Variants in INPP4B observed in about 807,000 individuals in gnomAD.
INPP4B encodes inositol polyphosphate-4-phosphatase type II B, also known as inositol polyphosphate 4-phosphatase type II.
In INPP4B, 55 loss-of-function variants were observed where a neutral mutation model predicts 122.5. The observed-to-expected ratio is 0.45, with a 90% CI of 0.36 to 0.56. The LOEUF (loss-of-function observed/expected upper bound fraction) is 0.56, where lower values mean the gene tolerates loss of function less well. INPP4B is among the 20% of genes least tolerant of loss of function. The pLI, the probability that INPP4B is intolerant of heterozygous loss-of-function variation, is 0.00. For missense variants in INPP4B, 1,000 were observed against 1,097.7 expected (o/e 0.91, Z 1.26); for synonymous variants, 403 against 388.7 (o/e 1.04, Z -0.43).
intron 2 of INPP4B, among the ~76,000 whole-genome samples, chr4:142,585,624 T>G (rs911325449): frequency 6.6e-6 from 1 of 152,116 alleles, no homozygotes; most frequent in Non-Finnish European, 1.5e-5. Context: ...GTCCAGCATG[T>G]GCCCCTCCTC....
chr4:142,040,449 G>A lies in INPP4B; in HGVS notation c.2643-11535C>T, dbSNP rs576004806. 1.5e-4 allele frequency among the ~76,000 whole-genome samples: 23 copies of A among 152,340 alleles called. 2 individuals carry two copies. The South Asian group carries it at 4.6e-3, about 30-fold the overall frequency. On this transcript the variant is annotated intron_variant, in intron 25 of 25. Coordinates refer to ENST00000262992, the MANE Select transcript of INPP4B (RefSeq NM_001101669.3). ...CAAAGCTCAGTGCAAGGGAAGACTTGTGGCTGGAGGAGAGCGTAAAATAAT... is the reference window on the plus strand; with the variant it reads ...CAAAGCTCAGTGCAAGGGAAGACTTATGGCTGGAGGAGAGCGTAAAATAAT...
At chr4:142,275,697 C>T (rs1353613289) in intron 9 of INPP4B, among the ~76,000 whole-genome samples, 1 of 151,692 alleles carries the variant, frequency 6.6e-6, no homozygotes, top group Non-Finnish European at 1.5e-5. Flanking sequence ...ATGTCAGAAG[C>T]CATATAATGC....
At chr4:142,681,216 C>G (rs1046725606) in intron 2 of INPP4B, among the ~76,000 whole-genome samples, 5 of 151,772 alleles carry the variant, frequency 3.3e-5, no homozygotes, top group African/African-American at 1.2e-4. Flanking sequence ...CAGTCTAAGG[C>G]ACACACTTAT....
At chr4:142,515,294 ACTC>A (rs1159603016) in intron 2 of INPP4B, among the ~76,000 whole-genome samples, 1 of 151,932 alleles carries the variant, frequency 6.6e-6, no homozygotes, top group Non-Finnish European at 1.5e-5. Context: ...GGGAGCCTGA[ACTC>A]CTGAAACCCA....
chr4:142,384,751 G>C (rs536925832), intron 7 of INPP4B, among the ~76,000 whole-genome samples: 1 of 152,138 alleles, frequency 6.6e-6, no homozygotes, highest in East Asian at 1.9e-4. Flanking sequence ...CGTGTCATGG[G>C]GGTTTGTTGT....
intron 2 of INPP4B, among the ~76,000 whole-genome samples, chr4:142,651,017 C>G (rs1342363693): frequency 6.6e-6 from 1 of 152,176 alleles, no homozygotes; most frequent in African/African-American, 2.4e-5. Flanking sequence ...TCACAACAAA[C>G]AGTCTCTCAG....
intron 1 of INPP4B, among the ~76,000 whole-genome samples, chr4:142,788,575 A>G (rs1282237150): frequency 6.6e-6 from 1 of 152,128 alleles, no homozygotes; most frequent in African/African-American, 2.4e-5. Flanking sequence ...TCACCCAAGC[A>G]GTATACACTG....
intron 10 of INPP4B, 73 bp from the exon 11 acceptor site, chr4:142,260,637 C>G: frequency 9.9e-7 from 1 of 1,015,224 alleles, no homozygotes. Context: ...ATTTTATTTG[C>G]AAAACATAAG....
At chr4:142,716,657 T>C (rs1208307058) in intron 2 of INPP4B, among the ~76,000 whole-genome samples, 2 of 152,222 alleles carry the variant, frequency 1.3e-5, no homozygotes, top group African/African-American at 2.4e-5. Context: ...AAAGGTAAAG[T>C]TTCCTAACAG....
intron 13 of INPP4B, 129 bp downstream of exon 13, chr4:142,208,767 T>A (rs1244926440): frequency 2.8e-5 from 19 of 684,764 alleles, no homozygotes; most frequent in Non-Finnish European, 4.1e-5. Context: ...ATGTTAAAGT[T>A]AGAAATAAAA....
rs377552781 is a variant in INPP4B at position 142,359,225 on chromosome 4, C to A, written c.372+43713G>T. 1.1e-3 allele frequency among the ~76,000 whole-genome samples: 159 copies of A among 143,786 alleles called. 2 individuals are homozygous for A. In the East Asian group the frequency reaches 0.017, roughly 15 times the overall value. The allele number at this position is 143,786 out of a possible 152,430, so 94.3% of individuals were successfully genotyped here. On this transcript the variant is annotated intron_variant, in intron 7 of 25. Transcript: ENST00000262992. ...CACTGGCAAAAAACAAACAAACAAACAAAAAAAAAAAACAGGCTCTGGAGC... is the reference window on the plus strand; with the variant it reads ...CACTGGCAAAAAACAAACAAACAAAAAAAAAAAAAAAACAGGCTCTGGAGC...
chr4:142,605,438 A>G (rs1741025046), intron 2 of INPP4B, among the ~76,000 whole-genome samples: 1 of 152,076 alleles, frequency 6.6e-6, no homozygotes, highest in Non-Finnish European at 1.5e-5. Flanking sequence ...GACTATATTA[A>G]ACTAAAAAGC....
At chr4:142,467,952 C>T (rs1334861983) in intron 2 of INPP4B, 1 of 152,152 alleles carries the variant, frequency 6.6e-6, no homozygotes, top group Non-Finnish European at 1.5e-5. Context: ...TGCTCCCCCT[C>T]TCACCATGTG....
At chr4:142,182,761 C>T (rs952103682) in intron 15 of INPP4B, among the ~76,000 whole-genome samples, 4 of 152,068 alleles carry the variant, frequency 2.6e-5, no homozygotes, top group African/African-American at 9.7e-5. Context: ...ACCTAAGAGT[C>T]CTTCAATCCT....
At chr4:142,315,208 C>A (rs902713162) in intron 7 of INPP4B, among the ~76,000 whole-genome samples, 1 of 138,948 alleles carries the variant, frequency 7.2e-6, no homozygotes, top group African/African-American at 2.7e-5. Context: ...ATTGCAATGT[C>A]ATTATGTACC....
intron 15 of INPP4B, among the ~76,000 whole-genome samples, chr4:142,188,085 A>AT (rs1168113562): frequency 6.6e-6 from 1 of 152,108 alleles, no homozygotes; most frequent in African/African-American, 2.4e-5. Flanking sequence ...CTGTCTTTTG[A>AT]TTTTTCCATT....
chr4:142,787,747 T>C (rs2151051896), intron 1 of INPP4B, among the ~76,000 whole-genome samples: 1 of 152,176 alleles, frequency 6.6e-6, no homozygotes, highest in African/African-American at 2.4e-5. Flanking sequence ...AGATAGTGAC[T>C]GCCCTCCAAA....
intron 2 of INPP4B, among the ~76,000 whole-genome samples, chr4:142,559,452 A>C (rs1335297790): frequency 6.6e-6 from 1 of 152,178 alleles, no homozygotes; most frequent in Admixed American, 6.5e-5. Flanking sequence ...AATTCATTTA[A>C]AAAATGAGAG....
chr4:142,449,833 C>T (rs1286884097), intron 3 of INPP4B, among the ~76,000 whole-genome samples: 1 of 152,162 alleles, frequency 6.6e-6, no homozygotes, highest in Non-Finnish European at 1.5e-5. Flanking sequence ...ATAGGGAATT[C>T]TGCCAGATAA....
Sources: allele counts gnomAD v4.1 joint callset (sites outside exome capture counted in the v4.1 genomes callset), GRCh38; gene constraint gnomAD v4.1.1; transcripts MANE v1.5; gene names NCBI Gene and HGNC (gene_info 2026-07-23, HGNC 2026-07-21).